The following ESR1 variants were observed in gnomAD, a reference collection of about 807,000 sequenced individuals.
ESR1 encodes the protein estrogen receptor 1, also known as estrogen receptor.
Under a neutral mutation model 52.7 loss-of-function variants are expected in ESR1, and 12 were observed. The ratio of observed to expected loss-of-function variants is 0.23; its 90% CI spans 0.15 to 0.37. The LOEUF is 0.37. Ranked by LOEUF, ESR1 falls within the 10% of genes least tolerant of loss-of-function variation. ESR1 has a pLI of 1.00. For missense variants in ESR1, 584 were observed against 779.7 expected (o/e 0.75, Z 2.99); for synonymous variants, 305 against 316.8 (o/e 0.96, Z 0.39).
chr6:151,956,324 T>C (rs1195333523), intron 4 of ESR1, among the ~76,000 whole-genome samples: 1 of 152,218 alleles, frequency 6.6e-6, no homozygotes, highest in East Asian at 1.9e-4. Flanking sequence ...GAGAACAAAA[T>C]TGACCAGATC....
At chr6:151,822,144 T>G (rs1177362183) in intron 1 of ESR1, among the ~76,000 whole-genome samples, 1 of 152,202 alleles carries the variant, frequency 6.6e-6, no homozygotes, top group Admixed American at 6.5e-5. Flanking sequence ...GTTAAAAAAT[T>G]TTAAAAGGAG....
intron 3 of ESR1, among the ~76,000 whole-genome samples, chr6:151,894,357 T>C (rs918327469): frequency 7.9e-5 from 12 of 152,224 alleles, no homozygotes; most frequent in Non-Finnish European, 1.2e-4. Flanking sequence ...TTTACTCTGC[T>C]GCTGCTCCTT....
intron 4 of ESR1, among the ~76,000 whole-genome samples, chr6:151,949,830 A>G (rs1373944025): frequency 1.3e-5 from 2 of 152,206 alleles, no homozygotes; most frequent in Admixed American, 1.3e-4. Context: ...TAAACCTTTA[A>G]AAATCCCTTT....
chr6:152,018,336 A>G (rs757904996), intron 5 of ESR1, among the ~76,000 whole-genome samples: 1 of 152,056 alleles, frequency 6.6e-6, no homozygotes, highest in African/African-American at 2.4e-5. Context: ...CCAAAAATCA[A>G]TGCTTCCAGT....
At chr6:151,762,282 C>A (rs1784716951) in intron 2 of ESR1, among the ~76,000 whole-genome samples, 1 of 152,208 alleles carries the variant, frequency 6.6e-6, no homozygotes, top group African/African-American at 2.4e-5. Flanking sequence ...AAGGTGTATG[C>A]ATGTTTTTAG....
rs1352881389 is a variant in ESR1 at position 151,899,339 on chromosome 6, C to T, written c.760+18568C>T. On this transcript the variant is annotated intron_variant, in intron 3 of 7. Coordinates refer to ENST00000206249, the MANE Select transcript of ESR1 (RefSeq NM_000125.4). ...CTCCCTCCCGGACGGGGCGGCTGGC[C>T]AGGCGGGGGGCTGACCCCCCCACCT... Among the ~76,000 whole-genome samples, 3 of 121,148 alleles carry T rather than the reference C, an allele frequency of 2.5e-5. No homozygotes were observed. In the East Asian group the frequency reaches 7.9e-4, roughly 32 times the overall value. The allele number at this position is 121,148 out of a possible 152,430, so 79.5% of individuals were successfully genotyped here.
At chr6:151,850,075 A>ATTTTATATGCATAT (rs1458404088) in intron 2 of ESR1, among the ~76,000 whole-genome samples, 2 of 82,676 alleles carry the variant, frequency 2.4e-5, no homozygotes, top group East Asian at 5.8e-4. Context: ...TATATATATA[A>ATTTTATATGCATAT]AAAATTATAT....
chr6:151,954,620 C>T (rs1451827068), intron 4 of ESR1, among the ~76,000 whole-genome samples: 4 of 152,138 alleles, frequency 2.6e-5, no homozygotes. Flanking sequence ...CACATCATAA[C>T]ATTTGATTCC....
intron 3 of ESR1, among the ~76,000 whole-genome samples, chr6:151,903,867 A>G (rs1797056867): frequency 6.6e-6 from 1 of 152,248 alleles, no homozygotes. Context: ...TATTAAAAAA[A>G]TATATTTATC....
intron 1 of ESR1, among the ~76,000 whole-genome samples, chr6:151,678,257 G>A (rs1333872688): frequency 2.6e-5 from 4 of 152,120 alleles, no homozygotes; most frequent in Admixed American, 1.3e-4. Flanking sequence ...TGGATCACTT[G>A]AGGTCAGGAG....
At chr6:151,793,847 A>C (rs1463294392) in intron 2 of ESR1, among the ~76,000 whole-genome samples, 1 of 152,250 alleles carries the variant, frequency 6.6e-6, no homozygotes, top group Non-Finnish European at 1.5e-5. Flanking sequence ...AAAGTGACAT[A>C]TCCTGTAATA....
exon 7 of ESR1, chr6:152,128,418 G>A (rs1027163624): frequency 3.3e-5 from 5 of 152,070 alleles, no homozygotes; most frequent in Admixed American, 1.3e-4. Flanking sequence ...AATTTTGTAG[G>A]CCCAGGGCCT....
At chr6:151,905,522 G>C (rs1302090587) in intron 3 of ESR1, among the ~76,000 whole-genome samples, 1 of 151,922 alleles carries the variant, frequency 6.6e-6, no homozygotes, top group Non-Finnish European at 1.5e-5. Flanking sequence ...TCAGAGAAGA[G>C]GTCATTTAAG....
chr6:151,907,321 C>T (rs1797611809), intron 3 of ESR1, among the ~76,000 whole-genome samples: 1 of 151,930 alleles, frequency 6.6e-6, no homozygotes, highest in African/African-American at 2.4e-5. Context: ...ATTTAGTCTT[C>T]CTACCCATTA....
intron 2 of ESR1, among the ~76,000 whole-genome samples, chr6:151,715,003 C>T (rs1468358441): frequency 6.6e-6 from 1 of 152,036 alleles, no homozygotes; most frequent in Non-Finnish European, 1.5e-5. Flanking sequence ...TTTAGTGTTT[C>T]TTTTAGGAGC....
intron 1 of ESR1, among the ~76,000 whole-genome samples, chr6:151,837,651 C>T (rs1463321553): frequency 6.6e-6 from 1 of 152,176 alleles, no homozygotes; most frequent in African/African-American, 2.4e-5. Flanking sequence ...ATCTTCAGCT[C>T]TATTTCTTTC....
At chr6:152,087,163 A>G (rs2049792651) in intron 6 of ESR1, among the ~76,000 whole-genome samples, 1 of 152,322 alleles carries the variant, frequency 6.6e-6, no homozygotes, top group East Asian at 1.9e-4. Context: ...GTTCCGAATG[A>G]ATGGATAGCA....
chr6:152,060,939 T>G, intron 5 of ESR1, 52 bp from the exon 6 acceptor site: 1 of 1,437,756 alleles, frequency 7.0e-7, no homozygotes, highest in South Asian at 1.3e-5. Flanking sequence ...TGGAAGATTT[T>G]CTGTTTTTTA....
intron 1 of ESR1, among the ~76,000 whole-genome samples, chr6:151,675,290 C>T (rs1025113164): frequency 1.3e-5 from 2 of 152,118 alleles, no homozygotes; most frequent in African/African-American, 2.4e-5. Context: ...TGAGTCTAGC[C>T]AGAGGCTTGT....
Sources: allele counts gnomAD v4.1 joint callset (sites outside exome capture counted in the v4.1 genomes callset), GRCh38; gene constraint gnomAD v4.1.1; transcripts MANE v1.5; gene names NCBI Gene and HGNC (gene_info 2026-07-23, HGNC 2026-07-21).